Variants in PSD4 observed in about 807,000 individuals in gnomAD.
PSD4 encodes the protein PH and SEC7 domain-containing protein 4.
Under a neutral mutation model 112.5 loss-of-function variants are expected in PSD4, and 59 were observed. The ratio of observed to expected loss-of-function variants is 0.52; its 90% CI spans 0.43 to 0.65. The LOEUF (loss-of-function observed/expected upper bound fraction) is 0.65, where lower values mean the gene tolerates loss of function less well. Among genes scored for constraint, PSD4 ranks in the 30% least tolerant of loss-of-function variants. PSD4 has a pLI of 0.00. For missense variants in PSD4, 1,267 were observed against 1,352.6 expected (o/e 0.94, Z 0.99); for synonymous variants, 533 against 540.0 (o/e 0.99, Z 0.18).
chr2:113,183,667 T>G (rs891426732), intron 2 of PSD4, among the ~76,000 whole-genome samples, 155 bp downstream of exon 2: 2 of 152,132 alleles, frequency 1.3e-5, no homozygotes, highest in African/African-American at 4.8e-5. Context: ...GAGCAGAAAA[T>G]CAGGACCAGT....
Position 113,205,848 on chromosome 2 carries a change from A to G in PSD4, c.*4433A>G, listed in dbSNP as rs1688854516. 1.3e-5 allele frequency: 2 copies of G among 152,268 alleles called. No homozygotes were observed. The highest frequency in any genetic ancestry group is 4.8e-5 in the African/African-American group (2 of 41,462). The allele number at this position is 152,268 out of a possible 1,614,324, so 9.4% of individuals were successfully genotyped here. A position where few individuals can be genotyped will look rare whatever the true frequency, so the allele number is the denominator to read the frequency against. On this transcript the variant is annotated 3_prime_UTR_variant, in exon 17 of 17. Coordinates refer to ENST00000245796, the MANE Select transcript of PSD4 (RefSeq NM_012455.3). ...CCTGCTGAGCTGAGCAGGCATGCTC[A>G]CAGATCCTCAAGGTTTCTTGAATGG...
At position 113,199,075 on chromosome 2, in the gene PSD4, G is replaced by A. The variant is rs1688700367; in HGVS notation, c.2770-8G>A. Reference sequence around the variant, plus strand: ...GGGACAGCGCCCCTCACCGCCCGCTGCTCGCAGGAGGAGCAGCATCGATCC... The same window carrying A: ...GGGACAGCGCCCCTCACCGCCCGCTACTCGCAGGAGGAGCAGCATCGATCC... On this transcript the variant is annotated splice_region_variant and splice_polypyrimidine_tract_variant and intron_variant, in intron 15 of 16. Coordinates refer to ENST00000245796, the MANE Select transcript of PSD4 (RefSeq NM_012455.3). 1 of 1,524,186 alleles carries A rather than the reference G, an allele frequency of 6.6e-7. No homozygotes were observed. Among genetic ancestry groups the A allele is most frequent in the Non-Finnish European group, 8.8e-7 (1 of 1,137,972 alleles). 94.4% of individuals were successfully genotyped at this position (1,524,186 alleles called of 1,614,324 possible).
At chr2:113,192,304 G>A (rs550668602) in intron 5 of PSD4, 76 bp from the exon 6 acceptor site, 57 of 1,445,642 alleles carry the variant, frequency 3.9e-5, no homozygotes, top group South Asian at 3.7e-4. Context: ...CATTCAAGGC[G>A]CTGAGCTCGG....
chr2:113,198,875 G>A lies in PSD4; in HGVS notation c.2760G>A (p.Gln920=). The change falls in exon 15 of 17, where the codon CAG becomes CAA. Residue 920 remains glutamine (Q), a synonymous_variant. Transcript: ENST00000245796. ...VRPILPVGPA[Q]SSLEEQHRSH... is the part of the protein sequence containing the mutation. ...CCATCCTGCCCGTGGGCCCCGCCCA[G>A]AGCTCCCTGGTACGGCCTCCGGGAA... is the stretch of plus-strand genomic sequence containing the variant. 6.3e-7 allele frequency: 1 copy of A among 1,589,258 alleles called. No homozygotes were observed. The highest frequency in any genetic ancestry group is 8.5e-7 in the Non-Finnish European group (1 of 1,174,826).
chr2:113,208,465 C>T lies in PSD4; in HGVS notation c.*7050C>T, dbSNP rs1261215627. ...CCTGCAAACTAGTCCTCTCCTGACT[C>T]CTCTGTTTCTGTGAGTGATTCTGCG... On this transcript the variant is annotated 3_prime_UTR_variant, in exon 17 of 17. Transcript: ENST00000245796. The T allele has an allele frequency of 6.6e-6, 1 of 152,264 alleles. No individual in the cohort carries two copies. The highest frequency in any genetic ancestry group is 1.5e-5 in the Non-Finnish European group (1 of 68,070). 9.4% of individuals were successfully genotyped at this position (152,264 alleles called of 1,614,324 possible).
chr2:113,199,621 A>C (rs731834), intron 16 of PSD4, among the ~76,000 whole-genome samples: 63,490 of 152,120 alleles, frequency 0.42, 14,540 homozygotes, highest in East Asian at 0.65. Context: ...ACCAAATATT[A>C]ATAGGTAGTA....
intron 5 of PSD4, among the ~76,000 whole-genome samples, chr2:113,191,281 CT>C (rs45558837): frequency 6.6e-6 from 1 of 152,028 alleles, no homozygotes; most frequent in Non-Finnish European, 1.5e-5. Flanking sequence ...GGATTGTTTT[CT>C]TTTTTTTCTT....
chr2:113,178,673 T>G (rs1413300351), intron 1 of PSD4, among the ~76,000 whole-genome samples: 2 of 152,132 alleles, frequency 1.3e-5, no homozygotes, highest in Non-Finnish European at 2.9e-5. Flanking sequence ...CATTCCCATA[T>G]TGGCACGGGA....
chr2:113,199,239 GC>G lies in PSD4; in HGVS notation c.2913+16del. On this transcript the variant is annotated intron_variant, in intron 16 of 16. Coordinates refer to ENST00000245796, the MANE Select transcript of PSD4 (RefSeq NM_012455.3). Reference sequence around the variant, plus strand: ...CCTGGAGTACGAGGTGAGCGGCCGAGCCCACCTCCCCGCCGCTGCGCAGCGC... The same window carrying G: ...CCTGGAGTACGAGGTGAGCGGCCGAGCCACCTCCCCGCCGCTGCGCAGCGC... The G allele has an allele frequency of 1.4e-6, 2 of 1,466,074 alleles. No individual in the cohort carries two copies. The highest frequency in any genetic ancestry group is 9.0e-7 in the Non-Finnish European group (1 of 1,113,742). The allele number at this position is 1,466,074 out of a possible 1,614,324, so 90.8% of individuals were successfully genotyped here.
chr2:113,198,937 G>A (rs1295143259), intron 15 of PSD4, 53 bp downstream of exon 15: 12 of 1,538,198 alleles, frequency 7.8e-6, no homozygotes, highest in Non-Finnish European at 1.0e-5. Context: ...TGTGCACCTG[G>A]AGCCCCAGGA....
intron 1 of PSD4, among the ~76,000 whole-genome samples, chr2:113,176,273 G>A (rs1687970944): frequency 6.6e-6 from 1 of 152,194 alleles, no homozygotes; most frequent in South Asian, 2.1e-4. Flanking sequence ...CTGCCCCCTT[G>A]GGTCAAAAAG....
chr2:113,198,921 T>C (rs748229026), intron 15 of PSD4, 37 bp downstream of exon 15: 2 of 1,544,874 alleles, frequency 1.3e-6, no homozygotes, highest in East Asian at 2.4e-5. Context: ...CCGGCGGAAC[T>C]GGGAATGTGC....
chr2:113,198,828 T>G lies in PSD4; in HGVS notation c.2713T>G (p.Ser905Ala). The G allele has an allele frequency of 6.3e-7, 1 of 1,597,738 alleles. No homozygotes were observed. Among genetic ancestry groups the G allele is most frequent in the Non-Finnish European group, 8.5e-7 (1 of 1,177,352 alleles). ...SAPPFPAAVGSQRRFVRPILP... is the reference protein window; with the variant it reads ...SAPPFPAAVGAQRRFVRPILP... ...GCCGCCCTTCCCCGCCGCTGTGGGC[T>G]CCCAGCGCAGATTCGTGCGGCCCAT... The change falls in exon 15 of 17, where the codon TCC becomes GCC. Residue 905 changes from serine (S) to alanine (A), a missense_variant. Ser to Ala is a moderately conservative substitution (Grantham distance 99). This residue lies in a region of PSD4 where 544 missense variants were observed against 648.6 expected (regional missense o/e 0.84). Transcript: ENST00000245796.
At position 113,202,957 on chromosome 2, in the gene PSD4, C is replaced by G. The variant is rs1688810566; in HGVS notation, c.*1542C>G. 6.6e-6 allele frequency: 1 copy of G among 152,518 alleles called. No individual in the cohort carries two copies. Among genetic ancestry groups the G allele is most frequent in the Admixed American group, 6.5e-5 (1 of 15,282 alleles). 9.4% of individuals were successfully genotyped at this position (152,518 alleles called of 1,614,324 possible). Reference sequence around the variant, plus strand: ...TGTGTGAGGAAGGGAGGTCAGGCAGCTAGGACCACCTGCAGTGTGGCAGGC... The same window carrying G: ...TGTGTGAGGAAGGGAGGTCAGGCAGGTAGGACCACCTGCAGTGTGGCAGGC... On this transcript the variant is annotated 3_prime_UTR_variant, in exon 17 of 17. Transcript: ENST00000245796.
chr2:113,187,025 AG>A (rs1334526260), intron 5 of PSD4, among the ~76,000 whole-genome samples: 1 of 152,216 alleles, frequency 6.6e-6, no homozygotes, highest in African/African-American at 2.4e-5. Flanking sequence ...AGCTGTGGCA[AG>A]GGTTCCCCGA....
At chr2:113,187,372 C>G (rs1214317342) in intron 5 of PSD4, among the ~76,000 whole-genome samples, 1 of 152,232 alleles carries the variant, frequency 6.6e-6, no homozygotes, top group Non-Finnish European at 1.5e-5. Context: ...AGCTCTGGCT[C>G]TAGCCTCCAC....
rs45494895 is a variant in PSD4, at chr2:113,191,914, G to A, written c.1629-466G>A. Among the ~76,000 whole-genome samples the A allele has an allele frequency of 8.6e-3, 1,315 of 152,264 alleles. 26 individuals carry two copies. Among genetic ancestry groups the A allele is most frequent in the African/African-American group, 0.03 (1,253 of 41,552 alleles). ...TGCTGCCATTACTAGAGCCCACCTA[G>A]CTTCCTGTTCTCAGCTCATCCTTAC... On this transcript the variant is annotated intron_variant, in intron 5 of 16. Coordinates refer to ENST00000245796, the MANE Select transcript of PSD4 (RefSeq NM_012455.3).
chr2:113,201,143 G>T lies in PSD4; in HGVS notation c.2914-15G>T, dbSNP rs1688765467. The T allele has an allele frequency of 6.3e-7, 1 of 1,599,752 alleles. No homozygotes were observed. Among genetic ancestry groups the T allele is most frequent in the Non-Finnish European group, 8.5e-7 (1 of 1,171,752 alleles). On this transcript the variant is annotated splice_polypyrimidine_tract_variant and intron_variant, in intron 16 of 16. Coordinates refer to ENST00000245796, the MANE Select transcript of PSD4 (RefSeq NM_012455.3). ...GCCAGGATGGTGCTAAGGTGGTGGG[G>T]CCTGTGTGTTGCAGAAAACCCGCTA...
rs970365231 is a variant in PSD4, at chr2:113,206,401, C to T, written c.*4986C>T. 1 of 152,294 alleles carries T rather than the reference C, an allele frequency of 6.6e-6. No individual in the cohort carries two copies. Among genetic ancestry groups the T allele is most frequent in the African/African-American group, 2.4e-5 (1 of 41,462 alleles). 9.4% of individuals were successfully genotyped at this position (152,294 alleles called of 1,614,324 possible). A position where few individuals can be genotyped will look rare whatever the true frequency, so the allele number is the denominator to read the frequency against. On this transcript the variant is annotated 3_prime_UTR_variant, in exon 17 of 17. Transcript: ENST00000245796. ...TGGCTGCAGTCATCAACTCTGATGC[C>T]TTCTCAGCCTTCTTCCGCCATCACC...
Sources: allele counts gnomAD v4.1 joint callset (sites outside exome capture counted in the v4.1 genomes callset), GRCh38; gene constraint gnomAD v4.1.1; regional missense constraint gnomAD v4.1.1; transcripts MANE v1.5; gene names NCBI Gene and HGNC (gene_info 2026-07-23, HGNC 2026-07-21).